PTH2R: variants seen among roughly 807,000 people sequenced by gnomAD.
The protein encoded by PTH2R is parathyroid hormone 2 receptor, also known as PTH2 receptor.
PTH2R carries 59 observed loss-of-function variants against 60.3 expected under a neutral mutation model. That is an observed-to-expected ratio of 0.98 (90% confidence interval 0.79 to 1.22). The LOEUF is 1.22. PTH2R is among the 50% of genes most tolerant of loss of function. The pLI, the probability that PTH2R is intolerant of heterozygous loss-of-function variation, is 0.00. For synonymous variants in PTH2R, 256 were observed against 243.8 expected (o/e 1.05, Z -0.47); for missense variants, 749 against 682.6 (o/e 1.10, Z -1.08).
chr2:208,360,450 C>T (rs369953594), intron 1 of PTH2R, among the ~76,000 whole-genome samples: 6 of 152,272 alleles, frequency 3.9e-5, no homozygotes, highest in South Asian at 2.1e-4. Context: ...ATGCCTGGGG[C>T]GCAGAACCGC....
At chr2:208,438,475 A>G (rs999793302) in intron 4 of PTH2R, among the ~76,000 whole-genome samples, 1 of 152,220 alleles carries the variant, frequency 6.6e-6, no homozygotes, top group African/African-American at 2.4e-5. Flanking sequence ...CAGTGGCAAG[A>G]GGGTTTAATG....
chr2:208,478,364 G>A (rs1703066780), intron 9 of PTH2R, among the ~76,000 whole-genome samples: 1 of 152,056 alleles, frequency 6.6e-6, no homozygotes, highest in African/African-American at 2.4e-5. Flanking sequence ...TGGAGGTGCT[G>A]GGGGGAGTCC....
At chr2:208,477,840 A>G (rs1303123790) in intron 9 of PTH2R, among the ~76,000 whole-genome samples, 2 of 150,986 alleles carry the variant, frequency 1.3e-5, no homozygotes, top group Non-Finnish European at 2.9e-5. Context: ...AGAACCTTTT[A>G]ATGATTTTTT....
intron 2 of PTH2R, among the ~76,000 whole-genome samples, chr2:208,430,461 ATT>A (rs933038888): frequency 3.6e-5 from 5 of 139,728 alleles, no homozygotes; most frequent in African/African-American, 1.3e-4. Context: ...TAAAGATACC[ATT>A]TTTTTTTTTT....
chr2:208,412,915 A>G (rs189950415), intron 1 of PTH2R, among the ~76,000 whole-genome samples: 2 of 152,208 alleles, frequency 1.3e-5, no homozygotes, highest in East Asian at 1.9e-4. Context: ...ATGAAATTTT[A>G]TATATATTTT....
intron 1 of PTH2R, among the ~76,000 whole-genome samples, chr2:208,371,106 C>T (rs1305553101): frequency 6.6e-6 from 1 of 152,050 alleles, no homozygotes; most frequent in Non-Finnish European, 1.5e-5. Flanking sequence ...CCTCATCACC[C>T]AAACACTTCC....
rs551451585 is a variant in PTH2R, at chr2:208,379,925, A to G, written c.-259+19688A>G. ...GTTACACAGAGAATTCCTGATTCCT[A>G]ATCTCCAGAATAGAAAAATTCAAAG... On this transcript the variant is annotated intron_variant, in intron 1 of 12. Coordinates refer to the PTH2R transcript ENST00000617735. Among the ~76,000 whole-genome samples the G allele has an allele frequency of 5.9e-5, 9 of 152,000 alleles. 1 individual carries two copies. The highest frequency in any genetic ancestry group is 2.2e-4 in the African/African-American group (9 of 41,368).
At chr2:208,444,954 A>G (rs1702261187) in intron 7 of PTH2R, 67 bp downstream of exon 7, 4 of 1,459,122 alleles carry the variant, frequency 2.7e-6, no homozygotes, top group Non-Finnish European at 3.7e-6. Context: ...TGTCATGCCC[A>G]TCATTAGCAT....
At chr2:208,462,116 G>A (rs184535888) in intron 9 of PTH2R, among the ~76,000 whole-genome samples, 339 of 152,242 alleles carry the variant, frequency 2.2e-3, no homozygotes, top group African/African-American at 7.4e-3. Context: ...ATAATTTAGT[G>A]TTATCACAAT....
chr2:208,458,847 T>A (rs1702570462), intron 8 of PTH2R, among the ~76,000 whole-genome samples: 1 of 152,156 alleles, frequency 6.6e-6, no homozygotes, highest in Non-Finnish European at 1.5e-5. Flanking sequence ...ATTCTGTCTG[T>A]CATTGATGGG....
chr2:208,391,040 G>A (rs1289802926), intron 1 of PTH2R, among the ~76,000 whole-genome samples: 3 of 152,178 alleles, frequency 2.0e-5, no homozygotes, highest in Non-Finnish European at 2.9e-5. Flanking sequence ...TCCTGAGGGA[G>A]TTGAAAGAAG....
rs560022718 is a variant in PTH2R, at chr2:208,440,960, C to G, written c.412-1404C>G. Among the ~76,000 whole-genome samples the G allele has an allele frequency of 5.3e-4, 80 of 152,260 alleles. 1 individual carries two copies. The highest frequency in any genetic ancestry group is 1.6e-3 in the African/African-American group (66 of 41,550). On this transcript the variant is annotated intron_variant, in intron 4 of 12. Transcript: ENST00000272847. ...CAGGACAGAGGAGCTGAGAGGCATC[C>G]CTTGAGGCACAGGGGGCCCTCACTA... is the stretch of plus-strand genomic sequence containing the variant.
chr2:208,394,922 T>C (rs1366752107), intron 1 of PTH2R, among the ~76,000 whole-genome samples: 1 of 152,200 alleles, frequency 6.6e-6, no homozygotes, highest in Non-Finnish European at 1.5e-5. Flanking sequence ...AGGAACTGAA[T>C]GGCCATTTTG....
At chr2:208,366,276 T>G (rs893379183) in intron 1 of PTH2R, among the ~76,000 whole-genome samples, 2 of 152,046 alleles carry the variant, frequency 1.3e-5, no homozygotes, top group African/African-American at 4.8e-5. Context: ...CTTGGCAGGT[T>G]TGGTGTTTCT....
intron 1 of PTH2R, among the ~76,000 whole-genome samples, chr2:208,382,698 A>G (rs1234232284): frequency 6.6e-6 from 1 of 152,192 alleles, no homozygotes; most frequent in East Asian, 1.9e-4. Context: ...GAACTATCAG[A>G]GACTTCAGGA....
chr2:208,360,286 C>G (rs566648046), intron 1 of PTH2R: 1 of 400,320 alleles, frequency 2.5e-6, no homozygotes, highest in African/African-American at 2.1e-5. Flanking sequence ...TGAGCAGCCC[C>G]TACGGGGTCT....
intron 1 of PTH2R, among the ~76,000 whole-genome samples, chr2:208,425,146 C>G (rs1220710785): frequency 6.6e-6 from 1 of 152,092 alleles, no homozygotes; most frequent in Non-Finnish European, 1.5e-5. Flanking sequence ...AGATTGAATA[C>G]TTCTTAAAAA....
intron 1 of PTH2R, among the ~76,000 whole-genome samples, chr2:208,362,346 A>G (rs1330499504): frequency 2.0e-5 from 3 of 152,214 alleles, no homozygotes; most frequent in African/African-American, 7.2e-5. Flanking sequence ...CCTCTTATGT[A>G]TCTATAATTC....
At chr2:208,418,103 A>G (rs1701678539) in intron 1 of PTH2R, among the ~76,000 whole-genome samples, 2 of 152,148 alleles carry the variant, frequency 1.3e-5, no homozygotes, top group South Asian at 4.1e-4. Flanking sequence ...TTATGTGTAA[A>G]AAAACTACCA....
Sources: gnomAD v4.1 joint callset for allele counts (sites outside exome capture counted in the v4.1 genomes callset) on GRCh38, gnomAD v4.1.1 for gene constraint, MANE v1.5 for transcripts, NCBI Gene and HGNC (gene_info 2026-07-23, HGNC 2026-07-21) for gene names.